ABL1: variants seen among roughly 807,000 people sequenced by gnomAD.
The protein encoded by ABL1 is tyrosine-protein kinase ABL1.
A neutral mutation model predicts 94.7 loss-of-function variants in ABL1; 11 were observed. The observed-to-expected ratio is 0.12, with a 90% confidence interval of 0.07 to 0.19. The LOEUF (loss-of-function observed/expected upper bound fraction) is 0.19. Among genes scored for constraint, ABL1 ranks in the 10% least tolerant of loss-of-function variants. The probability of loss-of-function intolerance (pLI) is 1.00; values close to 1 mark genes in which losing one functional copy is unlikely to be tolerated. For synonymous variants in ABL1, 656 were observed against 622.4 expected (o/e 1.05, Z -0.80); for missense variants, 1,082 against 1,489.4 (o/e 0.73, Z 4.50).
intron 1 of ABL1, among the ~76,000 whole-genome samples, chr9:130,795,487 G>A (rs10901285): frequency 0.21 from 32,466 of 152,064 alleles, 4,396 homozygotes; most frequent in Non-Finnish European, 0.3. Flanking sequence ...GAATTACGTT[G>A]TGTCCAGTTA....
At chr9:130,745,265 G>A (rs946618287) in intron 1 of ABL1, among the ~76,000 whole-genome samples, 1 of 151,952 alleles carries the variant, frequency 6.6e-6, no homozygotes, top group Non-Finnish European at 1.5e-5. Flanking sequence ...TGTATTTTTA[G>A]TAGAGACAGG....
chr9:130,737,210 A>G (rs1410826360), intron 1 of ABL1, among the ~76,000 whole-genome samples: 1 of 152,186 alleles, frequency 6.6e-6, no homozygotes, highest in Non-Finnish European at 1.5e-5. Flanking sequence ...GGAGGTGTGC[A>G]GGCATCTTCT....
chr9:130,872,745 G>T lies in ABL1; in HGVS notation c.908-115G>T. ...GGTGCTTGGGACCATGTTGGAAGTT[G>T]GGCCCAGGACTGAGGAGCAGAGTCA... is the stretch of plus-strand genomic sequence containing the variant. On this transcript the variant is annotated intron_variant, in intron 5 of 10. Coordinates refer to ENST00000318560, the MANE Select transcript of ABL1 (RefSeq NM_005157.6). The surrounding 1 kb of genome is among the most constrained non-coding windows in gnomAD (Gnocchi z 5.0). 1 of 1,067,786 alleles carries T rather than the reference G, an allele frequency of 9.4e-7. No homozygotes were observed. The highest frequency in any genetic ancestry group is 1.3e-6 in the Non-Finnish European group (1 of 744,960). The allele number at this position is 1,067,786 out of a possible 1,614,324, so 66.1% of individuals were successfully genotyped here. A position where few individuals can be genotyped will look rare whatever the true frequency, so the allele number is the denominator to read the frequency against.
At chr9:130,833,843 C>A (rs1290662644), upstream of ABL1, among the ~76,000 whole-genome samples, 1 of 152,116 alleles carries the variant, frequency 6.6e-6, no homozygotes, top group African/African-American at 2.4e-5. Flanking sequence ...CTGAAGATAC[C>A]CGGGTTTTTG....
chr9:130,836,103 C>T (rs1830578366), intron 1 of ABL1, among the ~76,000 whole-genome samples: 1 of 152,212 alleles, frequency 6.6e-6, no homozygotes, highest in Admixed American at 6.5e-5. Flanking sequence ...TCCATCTCCC[C>T]CACCCCCATC....
At chr9:130,808,368 C>G (rs558631266) in intron 1 of ABL1, among the ~76,000 whole-genome samples, 2 of 151,902 alleles carry the variant, frequency 1.3e-5, no homozygotes, top group Middle Eastern at 3.4e-3. Flanking sequence ...CTCAGCCTCC[C>G]GAGTAACTGG....
intron 1 of ABL1, among the ~76,000 whole-genome samples, chr9:130,816,832 T>C (rs747425114): frequency 6.6e-6 from 1 of 152,182 alleles, no homozygotes. Context: ...GCCTCCCAAG[T>C]AGCTGGGATT....
intron 1 of ABL1, among the ~76,000 whole-genome samples, chr9:130,739,570 AC>A (rs1289217005): frequency 6.6e-6 from 1 of 152,186 alleles, no homozygotes; most frequent in Non-Finnish European, 1.5e-5. Flanking sequence ...TGATACTTTA[AC>A]CCCTATTCAA....
At chr9:130,726,374 A>G (rs1831586276) in intron 1 of ABL1, among the ~76,000 whole-genome samples, 1 of 152,038 alleles carries the variant, frequency 6.6e-6, no homozygotes, top group Non-Finnish European at 1.5e-5. Flanking sequence ...ACGTTTTAGC[A>G]CCATCGATTA....
chr9:130,836,579 T>C (rs914842023), intron 1 of ABL1, among the ~76,000 whole-genome samples: 8 of 151,814 alleles, frequency 5.3e-5, no homozygotes, highest in Admixed American at 1.3e-4. Context: ...ATCCCAACAC[T>C]TTGGGAGGCC....
chr9:130,740,015 G>A (rs1035213525), intron 1 of ABL1, among the ~76,000 whole-genome samples: 2 of 152,194 alleles, frequency 1.3e-5, no homozygotes, highest in Non-Finnish European at 2.9e-5. Flanking sequence ...TTGGCTTGCT[G>A]AGGAGTTTCC....
intron 1 of ABL1, among the ~76,000 whole-genome samples, chr9:130,770,657 TAA>T (rs1392298093): frequency 1.3e-5 from 2 of 152,278 alleles, no homozygotes; most frequent in Non-Finnish European, 2.9e-5. Context: ...GGCACTGTTC[TAA>T]ATATTGCTTT....
At chr9:130,730,234 G>T (rs1416187722) in intron 1 of ABL1, among the ~76,000 whole-genome samples, 2 of 151,572 alleles carry the variant, frequency 1.3e-5, no homozygotes, top group Admixed American at 6.6e-5. Flanking sequence ...TAGAGACGGG[G>T]TTTCTCTGTG....
In ABL1 at chr9:130,797,357, G is replaced by A. The variant is rs546031773; in HGVS notation, c.137-56707G>A. ...AGCTTATAATTAATTATATTTTAATGAATAGGATACTTTTTGTTTGTTTTG... is the reference window on the plus strand; with the variant it reads ...AGCTTATAATTAATTATATTTTAATAAATAGGATACTTTTTGTTTGTTTTG... On this transcript the variant is annotated intron_variant, in intron 1 of 10. Transcript: ENST00000372348. Among the ~76,000 whole-genome samples, 8 of 148,310 alleles carry A rather than the reference G, an allele frequency of 5.4e-5. No individual in the cohort carries two copies. The South Asian group carries it at 1.3e-3, about 24-fold the overall frequency.
At position 130,753,792 on chromosome 9, in the gene ABL1, A is replaced by G. The variant is rs372943069; in HGVS notation, c.136+39337A>G. 2.1e-4 allele frequency among the ~76,000 whole-genome samples: 32 copies of G among 152,252 alleles called. No individual in the cohort carries two copies. In the East Asian group the frequency reaches 4.3e-3, roughly 20 times the overall value. On this transcript the variant is annotated intron_variant, in intron 1 of 10. Coordinates refer to the ABL1 transcript ENST00000372348. ...AACCCCGGCACCTAGTATCATGCCTATTACATAGTAGATTTTCAATAAATG... is the reference window on the plus strand; with the variant it reads ...AACCCCGGCACCTAGTATCATGCCTGTTACATAGTAGATTTTCAATAAATG...
At chr9:130,769,271 C>T (rs976254868) in intron 1 of ABL1, among the ~76,000 whole-genome samples, 5 of 147,038 alleles carry the variant, frequency 3.4e-5, no homozygotes, top group African/African-American at 1.3e-4. Context: ...TGTTGTTTAA[C>T]TTTTATGGAA....
In ABL1 at chr9:130,835,402, G is replaced by C. The variant is rs1830553521; in HGVS notation, c.-45G>C. ...CGGGCCTGAGCCGGGCCCGCGGACC[G>C]AGCTGGGAGAGGGGTTCCGGCCCCC... is the stretch of plus-strand genomic sequence containing the variant. On this transcript the variant is annotated 5_prime_UTR_variant, in exon 1 of 11. Transcript: ENST00000318560. The surrounding 1 kb of genome is among the most constrained non-coding windows in gnomAD (Gnocchi z 4.6). The C allele has an allele frequency of 7.2e-7, 1 of 1,395,662 alleles. No homozygotes were observed. Among genetic ancestry groups the C allele is most frequent in the East Asian group, 3.0e-5 (1 of 33,846 alleles). The allele number at this position is 1,395,662 out of a possible 1,614,324, so 86.5% of individuals were successfully genotyped here. A position where few individuals can be genotyped will look rare whatever the true frequency, so the allele number is the denominator to read the frequency against.
At chr9:130,715,594 T>C (rs549885122) in intron 1 of ABL1, among the ~76,000 whole-genome samples, 1 of 152,352 alleles carries the variant, frequency 6.6e-6, no homozygotes, top group African/African-American at 2.4e-5. Context: ...GCAAATATGG[T>C]AATGTGTTGT....
intron 1 of ABL1, among the ~76,000 whole-genome samples, chr9:130,789,716 A>T (rs1411575283): frequency 6.6e-6 from 1 of 152,244 alleles, no homozygotes. Context: ...AAAAACAACC[A>T]GGCAGTTTTA....
Sources: allele counts gnomAD v4.1 joint callset (sites outside exome capture counted in the v4.1 genomes callset), GRCh38; gene constraint gnomAD v4.1.1; non-coding constraint Gnocchi (gnomAD v3.1); transcripts MANE v1.5; gene names NCBI Gene and HGNC (gene_info 2026-07-23, HGNC 2026-07-21).